The following UBN2 variants were observed in gnomAD, a reference collection of about 807,000 sequenced individuals.
UBN2 encodes ubinuclein-2.
UBN2 carries 35 observed loss-of-function variants against 120.2 expected under a neutral mutation model. The ratio of observed to expected loss-of-function variants is 0.29; its 90% CI spans 0.22 to 0.39. The LOEUF (loss-of-function observed/expected upper bound fraction) is 0.39, where lower values mean the gene tolerates loss of function less well. Ranked by LOEUF, UBN2 falls within the 10% of genes least tolerant of loss-of-function variation. UBN2 has a pLI of 1.00. For missense variants in UBN2, 1,693 were observed against 1,663.2 expected (o/e 1.02, Z -0.31); for synonymous variants, 661 against 648.7 (o/e 1.02, Z -0.29).
At position 139,283,261 on chromosome 7, in the gene UBN2, G is replaced by T; in HGVS notation, c.2356G>T (p.Val786Phe). The change falls in exon 15 of 18, where the codon GTT becomes TTT. Residue 786 changes from valine to phenylalanine, a missense_variant. Val to Phe is a conservative substitution (Grantham distance 50, BLOSUM62 -1). Coordinates refer to ENST00000473989, the MANE Select transcript of UBN2 (RefSeq NM_173569.4). ...CAACAATGGGAACAAGGGCCCTCCAGTTGGCTCAAGGATAAGCATGCCAAC... is the reference window on the plus strand; with the variant it reads ...CAACAATGGGAACAAGGGCCCTCCATTTGGCTCAAGGATAAGCATGCCAAC... ...VINNGNKGPP[V>F]GSRISMPTTK... The T allele has an allele frequency of 6.2e-7, 1 of 1,613,684 alleles. No individual in the cohort carries two copies. The highest frequency in any genetic ancestry group is 8.5e-7 in the Non-Finnish European group (1 of 1,179,998).
chr7:139,262,247 G>A (rs962173963), intron 6 of UBN2, among the ~76,000 whole-genome samples: 2 of 151,878 alleles, frequency 1.3e-5, no homozygotes, highest in Non-Finnish European at 2.9e-5. Context: ...TTACAGGTGC[G>A]CACCATCTCC....
chr7:139,291,872 A>AT (rs113698356), intron 15 of UBN2, among the ~76,000 whole-genome samples: 2 of 151,998 alleles, frequency 1.3e-5, no homozygotes, highest in South Asian at 2.1e-4. Context: ...ATAATAATAA[A>AT]TTTTTTTTAA....
chr7:139,314,723 G>A, the UBN2 span, among the ~76,000 whole-genome samples: 1 of 151,724 alleles, frequency 6.6e-6, no homozygotes, highest in Non-Finnish European at 1.5e-5. Context: ...TGACTTCAGG[G>A]GATCTGCCCA....
At chr7:139,285,344 A>G (rs182161762) in intron 15 of UBN2, among the ~76,000 whole-genome samples, 1 of 152,318 alleles carries the variant, frequency 6.6e-6, no homozygotes, top group Admixed American at 6.5e-5. Context: ...TCATCTCAAA[A>G]AAAAAGGGTA....
the UBN2 span, among the ~76,000 whole-genome samples, chr7:139,313,523 G>A: frequency 6.6e-6 from 1 of 152,112 alleles, no homozygotes; most frequent in Admixed American, 6.6e-5. Context: ...ATCATATAAT[G>A]TACAAATAAT....
In UBN2 at chr7:139,281,940, G is replaced by T. The variant is rs1173382518; in HGVS notation, c.2068-65G>T. 2.3e-5 allele frequency: 35 copies of T among 1,528,536 alleles called. No homozygotes were observed. In the East Asian group the frequency reaches 7.7e-4, roughly 34 times the overall value. 94.7% of individuals were successfully genotyped at this position (1,528,536 alleles called of 1,614,324 possible). A position where few individuals can be genotyped will look rare whatever the true frequency, so the allele number is the denominator to read the frequency against. On this transcript the variant is annotated intron_variant, in intron 13 of 17. Coordinates refer to ENST00000473989, the MANE Select transcript of UBN2 (RefSeq NM_173569.4). ...TCAGGGGTTTTAGAGTAAAAGCTTA[G>T]AAAAAATACTAAGGAAGTTAGAGTG...
chr7:139,270,568 C>G (rs12386750), intron 8 of UBN2, among the ~76,000 whole-genome samples: 1 of 152,176 alleles, frequency 6.6e-6, no homozygotes, highest in East Asian at 1.9e-4. Flanking sequence ...CGTGCCTGGC[C>G]AGAAACACAT....
the UBN2 span, among the ~76,000 whole-genome samples, chr7:139,328,107 G>A: frequency 6.6e-6 from 1 of 152,170 alleles, no homozygotes; most frequent in African/African-American, 2.4e-5. Context: ...ATCAAAAAGG[G>A]CTGTATTAGT....
intron 17 of UBN2, among the ~76,000 whole-genome samples, chr7:139,295,318 C>T (rs190601587): frequency 2.8e-4 from 42 of 152,208 alleles, no homozygotes; most frequent in African/African-American, 9.1e-4. Context: ...TCAGCAATCC[C>T]GATCTTCCTG....
intron 2 of UBN2, among the ~76,000 whole-genome samples, chr7:139,241,080 C>T (rs555991957): frequency 2.6e-4 from 39 of 152,232 alleles, no homozygotes; most frequent in African/African-American, 9.2e-4. Flanking sequence ...TTTAGATAGT[C>T]TGTAGGTAAT....
At chr7:139,294,056 A>C (rs184394052) in intron 17 of UBN2, 75 bp downstream of exon 17, 1 of 1,456,666 alleles carries the variant, frequency 6.9e-7, no homozygotes, top group African/African-American at 1.4e-5. Context: ...TTCTGAAAAC[A>C]ATGTGAATGG....
intron 6 of UBN2, among the ~76,000 whole-genome samples, chr7:139,265,157 A>AT (rs1398015865): frequency 1.2e-4 from 18 of 152,032 alleles, no homozygotes; most frequent in Non-Finnish European, 2.2e-4. Flanking sequence ...ATGGGAATTG[A>AT]TTTTTTTGTT....
At chr7:139,266,283 ATAGAG>A (rs769627424) in intron 6 of UBN2, 45 bp from the exon 7 acceptor site, 11 of 1,242,334 alleles carry the variant, frequency 8.9e-6, no homozygotes, top group Non-Finnish European at 1.3e-5. Context: ...AGAATGCAAA[ATAGAG>A]TAATGGCCTA....
intron 2 of UBN2, among the ~76,000 whole-genome samples, chr7:139,238,854 T>C (rs1420692406): frequency 6.6e-6 from 1 of 152,206 alleles, no homozygotes; most frequent in Non-Finnish European, 1.5e-5. Flanking sequence ...GGAATAGCAT[T>C]GTAGTATTTA....
chr7:139,316,431 G>A, the UBN2 span, among the ~76,000 whole-genome samples: 3 of 152,260 alleles, frequency 2.0e-5, no homozygotes, highest in Non-Finnish European at 4.4e-5. Context: ...TAATAGTTTA[G>A]TGGGATGTAA....
At chr7:139,236,921 A>G (rs1245065082) in intron 1 of UBN2, 84 bp from the exon 2 acceptor site, 1 of 776,756 alleles carries the variant, frequency 1.3e-6, no homozygotes, top group East Asian at 2.9e-5. Context: ...AGTGGTTGTT[A>G]CATAATGATA....
chr7:139,236,206 T>G (rs1482150984), intron 1 of UBN2, among the ~76,000 whole-genome samples: 1 of 151,896 alleles, frequency 6.6e-6, no homozygotes, highest in East Asian at 1.9e-4. Context: ...TCTAGCTCTG[T>G]GTGTGTGTGT....
chr7:139,238,188 C>G (rs989632182), intron 2 of UBN2, among the ~76,000 whole-genome samples: 1 of 152,074 alleles, frequency 6.6e-6, no homozygotes, highest in African/African-American at 2.4e-5. Flanking sequence ...TGAAAAGTAT[C>G]CCACAGGAGA....
intron 8 of UBN2, among the ~76,000 whole-genome samples, chr7:139,270,108 A>G (rs1463147898): frequency 6.6e-6 from 1 of 152,048 alleles, no homozygotes; most frequent in Non-Finnish European, 1.5e-5. Flanking sequence ...TTTTCTTTAT[A>G]TGGTTTTATC....
Sources: gnomAD v4.1 joint callset for allele counts (sites outside exome capture counted in the v4.1 genomes callset) on GRCh38, gnomAD v4.1.1 for gene constraint, MANE v1.5 for transcripts, NCBI Gene and HGNC (gene_info 2026-07-23, HGNC 2026-07-21) for gene names.